LMBR1: variants seen among roughly 807,000 people sequenced by gnomAD.
The protein encoded by LMBR1 is limb development membrane protein 1.
LMBR1 carries 52 observed loss-of-function variants against 73.9 expected under a neutral mutation model. The observed-to-expected ratio is 0.70, with a 90% CI of 0.56 to 0.89. LMBR1 has a LOEUF of 0.89. Ranked by LOEUF, LMBR1 falls within the 40% of genes least tolerant of loss-of-function variation. The probability of loss-of-function intolerance (pLI) is 0.00; values close to 1 mark genes in which losing one functional copy is unlikely to be tolerated. For synonymous variants in LMBR1, 215 were observed against 209.4 expected (o/e 1.03, Z -0.23); for missense variants, 539 against 579.8 (o/e 0.93, Z 0.72).
Position 156,751,922 on chromosome 7 carries a change from G to A in LMBR1, c.757+4471C>T, listed in dbSNP as rs114089236. ...ATCTTTAAGTTCAAAGCTCAGAGTA[G>A]AGGTCGCAGCTTATAGGTGGTATTT... On this transcript the variant is annotated intron_variant, in intron 9 of 16. Coordinates refer to ENST00000353442, the MANE Select transcript of LMBR1 (RefSeq NM_022458.4). 3.8e-3 allele frequency among the ~76,000 whole-genome samples: 577 copies of A among 152,310 alleles called. 3 individuals carry two copies. Among genetic ancestry groups the A allele is most frequent in the African/African-American group, 0.013 (529 of 41,562 alleles).
At chr7:156,835,008 C>A (rs942684835) in intron 2 of LMBR1, among the ~76,000 whole-genome samples, 1 of 151,724 alleles carries the variant, frequency 6.6e-6, no homozygotes. Flanking sequence ...GGTGCGGTGG[C>A]GGGCGTCTGT....
At chr7:156,688,288 T>A (rs1806390667) in intron 15 of LMBR1, 97 bp from the exon 16 acceptor site, 2 of 809,714 alleles carry the variant, frequency 2.5e-6, no homozygotes, top group Non-Finnish European at 3.8e-6. Flanking sequence ...TTCTATGGAC[T>A]TTCTCACTTC....
chr7:156,892,686 G>T, intron 1 of LMBR1: 1 of 339,434 alleles, frequency 2.9e-6, no homozygotes, highest in Non-Finnish European at 5.3e-6. Context: ...GGCAGGGGAG[G>T]CAAGAGCGGA....
chr7:156,838,318 T>G (rs1280223867), intron 1 of LMBR1, among the ~76,000 whole-genome samples: 2 of 152,196 alleles, frequency 1.3e-5, no homozygotes, highest in African/African-American at 4.8e-5. Context: ...GATTTTGAAC[T>G]TATTCCTCCT....
At chr7:156,744,311 C>A (rs996400028) in intron 9 of LMBR1, among the ~76,000 whole-genome samples, 1 of 150,306 alleles carries the variant, frequency 6.7e-6, no homozygotes, top group Non-Finnish European at 1.5e-5. Context: ...TCTTCTTTGT[C>A]TGGAATTTTT....
At chr7:156,728,575 G>T (rs1418898408) in intron 11 of LMBR1, 69 bp downstream of exon 11, 1 of 1,071,020 alleles carries the variant, frequency 9.3e-7, no homozygotes, top group Non-Finnish European at 1.4e-6. Context: ...TGAGGGAGCT[G>T]CCATACTCAA....
chr7:156,810,805 A>AT (rs1012575107), intron 4 of LMBR1, among the ~76,000 whole-genome samples: 4 of 150,538 alleles, frequency 2.7e-5, no homozygotes, highest in Non-Finnish European at 4.4e-5. Flanking sequence ...TAGTTTTTTG[A>AT]TTTTTTTGTT....
chr7:156,763,860 G>A, intron 5 of LMBR1, 65 bp from the exon 6 acceptor site: 1 of 1,358,650 alleles, frequency 7.4e-7, no homozygotes, highest in Non-Finnish European at 9.9e-7. Context: ...TAAGGTTTCT[G>A]CCTATATGAA....
At chr7:156,846,377 G>C (rs1156592994) in intron 1 of LMBR1, among the ~76,000 whole-genome samples, 2 of 152,016 alleles carry the variant, frequency 1.3e-5, no homozygotes, top group African/African-American at 4.8e-5. Context: ...CCTGGCAACA[G>C]AGTGAGACCC....
chr7:156,688,951 T>C (rs1195812116), intron 15 of LMBR1, among the ~76,000 whole-genome samples: 2 of 152,152 alleles, frequency 1.3e-5, no homozygotes, highest in Non-Finnish European at 2.9e-5. Flanking sequence ...CATTAAAAAT[T>C]GTTAATCTGA....
At chr7:156,807,253 A>G (rs1377170540) in intron 4 of LMBR1, among the ~76,000 whole-genome samples, 1 of 152,162 alleles carries the variant, frequency 6.6e-6, no homozygotes, top group African/African-American at 2.4e-5. Context: ...GTGAATTAGG[A>G]AATGTTCCCA....
chr7:156,818,339 T>C (rs1029372758), intron 4 of LMBR1, among the ~76,000 whole-genome samples: 3 of 152,220 alleles, frequency 2.0e-5, no homozygotes, highest in Admixed American at 6.5e-5. Flanking sequence ...GTCGGATTCA[T>C]TGTGGTTATA....
At chr7:156,768,155 G>A (rs1824473837) in intron 5 of LMBR1, among the ~76,000 whole-genome samples, 1 of 152,082 alleles carries the variant, frequency 6.6e-6, no homozygotes, top group African/African-American at 2.4e-5. Flanking sequence ...GGAGGCCAAG[G>A]GGGATGGATC....
intron 15 of LMBR1, among the ~76,000 whole-genome samples, chr7:156,701,565 T>C (rs1809700221): frequency 6.6e-6 from 1 of 152,226 alleles, no homozygotes; most frequent in Non-Finnish European, 1.5e-5. Context: ...CACCATATGC[T>C]GGTGAGGATG....
chr7:156,881,315 C>T (rs1225796128), intron 1 of LMBR1, among the ~76,000 whole-genome samples: 1 of 152,142 alleles, frequency 6.6e-6, no homozygotes, highest in Non-Finnish European at 1.5e-5. Flanking sequence ...TCTTCTCTTA[C>T]ACCATACACA....
downstream of LMBR1, chr7:156,676,273 A>G (rs759884710): frequency 1.3e-6 from 2 of 1,554,324 alleles, no homozygotes; most frequent in Non-Finnish European, 8.7e-7. Context: ...ATATAAATAA[A>G]ATGCATGTGA....
intron 15 of LMBR1, among the ~76,000 whole-genome samples, chr7:156,699,330 G>A (rs949805729): frequency 5.3e-5 from 8 of 152,046 alleles, no homozygotes; most frequent in African/African-American, 1.7e-4. Context: ...AATAAATGGT[G>A]CTGGGAAAAC....
intron 9 of LMBR1, among the ~76,000 whole-genome samples, 189 bp from the exon 10 acceptor site, chr7:156,734,446 A>G (rs1817472847): frequency 1.3e-5 from 2 of 152,180 alleles, no homozygotes; most frequent in Admixed American, 6.5e-5. Context: ...CTGATTAAAC[A>G]CTACACGTTT....
intron 5 of LMBR1, among the ~76,000 whole-genome samples, chr7:156,791,990 AT>A (rs1311631989): frequency 1.3e-5 from 2 of 152,086 alleles, no homozygotes; most frequent in African/African-American, 4.8e-5. Context: ...AAGTTGCTGA[AT>A]TTTTTTTCCT....
Sources: gnomAD v4.1 joint callset for allele counts (sites outside exome capture counted in the v4.1 genomes callset) on GRCh38, gnomAD v4.1.1 for gene constraint, MANE v1.5 for transcripts, NCBI Gene and HGNC (gene_info 2026-07-23, HGNC 2026-07-21) for gene names.